VAV3: variants seen among roughly 807,000 people sequenced by gnomAD.
VAV3 encodes vav guanine nucleotide exchange factor 3, also known as guanine nucleotide exchange factor VAV3.
Under a neutral mutation model 131.2 loss-of-function variants are expected in VAV3, and 94 were observed. The observed-to-expected ratio is 0.72, with a 90% CI of 0.61 to 0.85. The LOEUF (loss-of-function observed/expected upper bound fraction) is 0.85, where lower values mean the gene tolerates loss of function less well. Ranked by LOEUF, VAV3 falls within the 40% of genes least tolerant of loss-of-function variation. VAV3 has a pLI of 0.00. For missense variants in VAV3, 939 were observed against 1,002.7 expected, an observed-to-expected ratio of 0.94 and a Z score of 0.86; for synonymous variants, 349 against 342.0, an observed-to-expected ratio of 1.02 and a Z score of -0.22.
chr1:107,681,589 T>G (rs949177689), intron 19 of VAV3, among the ~76,000 whole-genome samples: 2 of 152,188 alleles, frequency 1.3e-5, no homozygotes, highest in Non-Finnish European at 2.9e-5. Context: ...TTTGGGTTTT[T>G]TATTTCCAAA....
At chr1:107,578,441 C>T (rs891379427) in intron 25 of VAV3, among the ~76,000 whole-genome samples, 1 of 152,124 alleles carries the variant, frequency 6.6e-6, no homozygotes, top group African/African-American at 2.4e-5. Context: ...TTTTAGAGGA[C>T]AGGATGCCAC....
At chr1:107,848,018 A>T (rs2100943952) in intron 2 of VAV3, among the ~76,000 whole-genome samples, 1 of 152,284 alleles carries the variant, frequency 6.6e-6, no homozygotes. Context: ...TCCTCAATAA[A>T]ATACTGGCAA....
chr1:107,646,306 T>G, intron 19 of VAV3, among the ~76,000 whole-genome samples: 1 of 152,032 alleles, frequency 6.6e-6, no homozygotes, highest in Middle Eastern at 3.2e-3. Context: ...TCTCTCTTCT[T>G]GGGAAAATAC....
intron 2 of VAV3, among the ~76,000 whole-genome samples, chr1:107,815,581 T>A (rs910194228): frequency 6.6e-6 from 1 of 152,248 alleles, no homozygotes; most frequent in Non-Finnish European, 1.5e-5. Context: ...AGTGTCTGTT[T>A]CTGTGGCTTA....
At chr1:107,847,212 C>A (rs1201295113) in intron 2 of VAV3, among the ~76,000 whole-genome samples, 1 of 152,252 alleles carries the variant, frequency 6.6e-6, no homozygotes, top group East Asian at 1.9e-4. Context: ...TAAATAAGTT[C>A]TTTGAAACCA....
intron 19 of VAV3, chr1:107,669,242 C>T: frequency 1.1e-5 from 14 of 1,230,422 alleles, no homozygotes; most frequent in Non-Finnish European, 1.3e-5. Context: ...GTAATCCTTA[C>T]TAAGTGTCCA....
intron 2 of VAV3, among the ~76,000 whole-genome samples, chr1:107,796,096 T>C (rs1163760651): frequency 1.3e-5 from 2 of 151,984 alleles, no homozygotes; most frequent in Non-Finnish European, 2.9e-5. Flanking sequence ...AAGTCCCTAG[T>C]ATCAAACAGT....
At chr1:107,914,424 T>C (rs1232890818) in intron 1 of VAV3, among the ~76,000 whole-genome samples, 1 of 152,228 alleles carries the variant, frequency 6.6e-6, no homozygotes, top group Non-Finnish European at 1.5e-5. Context: ...AAGTCCTAGC[T>C]TCAGCCATGT....
At chr1:107,757,149 GTA>G (rs914068206) in intron 11 of VAV3, 110 bp downstream of exon 11, 150 of 668,392 alleles carry the variant, frequency 2.2e-4, no homozygotes, top group African/African-American at 9.4e-4. Context: ...ATATATGTGT[GTA>G]TATGTGTGTG....
At chr1:107,734,947 A>G (rs1397760163) in intron 15 of VAV3, among the ~76,000 whole-genome samples, 1 of 152,226 alleles carries the variant, frequency 6.6e-6, no homozygotes, top group African/African-American at 2.4e-5. Context: ...AATTGACCAC[A>G]TAGTTGGAAG....
intron 2 of VAV3, among the ~76,000 whole-genome samples, chr1:107,829,763 A>G (rs1315731475): frequency 6.6e-6 from 1 of 152,300 alleles, no homozygotes; most frequent in East Asian, 1.9e-4. Flanking sequence ...AATATTTACA[A>G]TGTCAGTCTA....
intron 2 of VAV3, among the ~76,000 whole-genome samples, chr1:107,843,365 A>AATATAT (rs34150658): frequency 0.019 from 2,724 of 139,894 alleles, 29 homozygotes; most frequent in South Asian, 0.043. Flanking sequence ...GCACAACACA[A>AATATAT]ATATATATAT....
chr1:107,818,503 G>A (rs1280317315), intron 2 of VAV3, among the ~76,000 whole-genome samples: 1 of 151,908 alleles, frequency 6.6e-6, no homozygotes, highest in Non-Finnish European at 1.5e-5. Context: ...GGAAAGGAGG[G>A]AGGAACACAT....
chr1:107,627,210 CTA>C (rs1351180662), intron 20 of VAV3, among the ~76,000 whole-genome samples: 2 of 152,120 alleles, frequency 1.3e-5, no homozygotes, highest in African/African-American at 2.4e-5. Flanking sequence ...CTGTAAACCC[CTA>C]TCTCTCTTTT....
rs530258366 is a variant in VAV3, at chr1:107,674,403, A to C, written c.1777+9085T>G. Among the ~76,000 whole-genome samples, 5 of 152,274 alleles carry C rather than the reference A, an allele frequency of 3.3e-5. No individual in the cohort carries two copies. In the South Asian group the frequency reaches 1.0e-3, roughly 32 times the overall value. ...AATACTGTAGCAATTTCAGATTAACATTTTCAAAATTAACAATGCATAAAA... is the reference window on the plus strand; with the variant it reads ...AATACTGTAGCAATTTCAGATTAACCTTTTCAAAATTAACAATGCATAAAA... On this transcript the variant is annotated intron_variant, in intron 19 of 26. Coordinates refer to ENST00000370056, the MANE Select transcript of VAV3 (RefSeq NM_006113.5).
chr1:107,686,489 C>T lies in VAV3; in HGVS notation c.1731+1892G>A, dbSNP rs1014297506. Among the ~76,000 whole-genome samples, 11 of 152,280 alleles carry T rather than the reference C, an allele frequency of 7.2e-5. No homozygotes were observed. The South Asian group carries it at 1.9e-3, about 26-fold the overall frequency. On this transcript the variant is annotated intron_variant, in intron 18 of 26. Transcript: ENST00000370056. The stretch of plus-strand genomic sequence containing the variant: ...TATGAGAAGATTCCTGAGCAGCATA[C>T]AATCATCTGCCTTGGAGAGTGAACA...
intron 2 of VAV3, among the ~76,000 whole-genome samples, chr1:107,863,723 T>A (rs1193533090): frequency 6.6e-6 from 1 of 152,194 alleles, no homozygotes; most frequent in African/African-American, 2.4e-5. Flanking sequence ...CATATTTACA[T>A]GTATATTAGG....
chr1:107,884,399 A>T (rs947451612), intron 1 of VAV3, among the ~76,000 whole-genome samples: 7 of 132,950 alleles, frequency 5.3e-5, no homozygotes, highest in South Asian at 4.9e-4. Context: ...AATTAAAAAT[A>T]AATTATTTAT....
intron 1 of VAV3, among the ~76,000 whole-genome samples, chr1:107,945,841 A>AAAAAAAAAAAAAAAAAAG (rs1674233695): frequency 1.3e-5 from 1 of 74,232 alleles, no homozygotes; most frequent in African/African-American, 3.7e-5. Context: ...AAAAAAAGAA[A>AAAAAAAAAAAAAAAAAAG]GAAAGAAAAG....
Sources: gnomAD v4.1 joint callset for allele counts (sites outside exome capture counted in the v4.1 genomes callset) on GRCh38, gnomAD v4.1.1 for gene constraint, MANE v1.5 for transcripts, NCBI Gene and HGNC (gene_info 2026-07-23, HGNC 2026-07-21) for gene names.